Variants in TSPAN9 observed in about 807,000 individuals in gnomAD.
The protein encoded by TSPAN9 is tetraspanin-9.
TSPAN9 carries 16 observed loss-of-function variants against 31.0 expected under a neutral mutation model. The ratio of observed to expected loss-of-function variants is 0.52; its 90% CI spans 0.35 to 0.78. The LOEUF (loss-of-function observed/expected upper bound fraction) is 0.78, where lower values mean the gene tolerates loss of function less well. TSPAN9 is among the 30% of genes least tolerant of loss of function. TSPAN9 has a pLI of 0.01. For synonymous variants in TSPAN9, 145 were observed against 121.6 expected, an observed-to-expected ratio of 1.19 and a Z score of -1.27; for missense variants, 272 against 312.5, an observed-to-expected ratio of 0.87 and a Z score of 0.98.
intron 2 of TSPAN9, among the ~76,000 whole-genome samples, chr12:3,108,999 G>C (rs943236720): frequency 4.6e-5 from 7 of 151,576 alleles, no homozygotes; most frequent in African/African-American, 7.3e-5. Context: ...GCAGTGGCGC[G>C]ATCTCCGCTC....
At position 3,265,244 on chromosome 12, in the gene TSPAN9, T is replaced by C. The variant is rs147296795; in HGVS notation, c.64-13177T>C. On this transcript the variant is annotated intron_variant, in intron 3 of 8. Coordinates refer to ENST00000011898, the MANE Select transcript of TSPAN9 (RefSeq NM_006675.5). ...CTCTGAAACTCCGCATCCTTGTGGGTCAAATAAGGAAATTCTCAACATTCT... is the reference window on the plus strand; with the variant it reads ...CTCTGAAACTCCGCATCCTTGTGGGCCAAATAAGGAAATTCTCAACATTCT... Among the ~76,000 whole-genome samples the C allele has an allele frequency of 5.8e-3, 882 of 152,238 alleles. 7 individuals carry two copies. The highest frequency in any genetic ancestry group is 0.02 in the African/African-American group (844 of 41,542).
intron 3 of TSPAN9, among the ~76,000 whole-genome samples, chr12:3,273,466 G>C (rs1387671295): frequency 6.6e-6 from 1 of 152,108 alleles, no homozygotes; most frequent in African/African-American, 2.4e-5. Context: ...GCATTGCCTG[G>C]GGCCCAATCC....
At chr12:3,130,145 C>T (rs1018061609) in intron 2 of TSPAN9, among the ~76,000 whole-genome samples, 3 of 152,168 alleles carry the variant, frequency 2.0e-5, no homozygotes, top group Non-Finnish European at 4.4e-5. Flanking sequence ...ACTTCCGCTT[C>T]CCCCGGTGGC....
intron 3 of TSPAN9, chr12:3,272,771 G>C (rs1383958039): frequency 6.6e-6 from 1 of 152,280 alleles, no homozygotes; most frequent in Non-Finnish European, 1.5e-5. Context: ...GCTCAGGACG[G>C]GGAAGCCCGA....
In TSPAN9 at chr12:3,285,942, C is replaced by G. The variant is rs1000846722; in HGVS notation, c.*2826C>G. On this transcript the variant is annotated 3_prime_UTR_variant, in exon 9 of 9. Transcript: ENST00000011898. ...GTCTCCCCCTGCACCCCTCCCCCAG[C>G]TTGAGCCGTGTCACCCCCCTCTCCC... 5.2e-5 allele frequency: 8 copies of G among 152,414 alleles called. No individual in the cohort carries two copies. Among genetic ancestry groups the G allele is most frequent in the African/African-American group, 1.9e-4 (8 of 41,442 alleles). 9.4% of individuals were successfully genotyped at this position (152,414 alleles called of 1,614,324 possible). A position where few individuals can be genotyped will look rare whatever the true frequency, so the allele number is the denominator to read the frequency against.
At chr12:3,079,949 T>TTTC (rs2098297086) in intron 1 of TSPAN9, among the ~76,000 whole-genome samples, 4 of 151,278 alleles carry the variant, frequency 2.6e-5, no homozygotes. Context: ...AAAAAAATTT[T>TTTC]TTTTTTTTTT....
Position 3,284,180 on chromosome 12 carries a change from C to T in TSPAN9, c.*1064C>T, listed in dbSNP as rs1862963551. The T allele has an allele frequency of 6.5e-6, 1 of 152,688 alleles. No individual in the cohort carries two copies. Among genetic ancestry groups the T allele is most frequent in the African/African-American group, 2.4e-5 (1 of 41,474 alleles). The allele number at this position is 152,688 out of a possible 1,614,324, so 9.5% of individuals were successfully genotyped here. ...TTCCCACAACAGGTTCTGCACACCC[C>T]AGTTATTTCACAGACATTCCTGCTA... On this transcript the variant is annotated 3_prime_UTR_variant, in exon 9 of 9. Transcript: ENST00000011898.
At chr12:3,125,316 G>C (rs1441149793) in intron 2 of TSPAN9, among the ~76,000 whole-genome samples, 1 of 151,546 alleles carries the variant, frequency 6.6e-6, no homozygotes, top group Non-Finnish European at 1.5e-5. Flanking sequence ...AGAGTGTTTT[G>C]CTGCGTGCTC....
At chr12:3,096,758 T>C (rs2098309276) in intron 2 of TSPAN9, among the ~76,000 whole-genome samples, 1 of 151,956 alleles carries the variant, frequency 6.6e-6, no homozygotes, top group South Asian at 2.1e-4. Context: ...AATGGCATGA[T>C]CTCGGCTCAC....
chr12:3,167,495 C>G lies in TSPAN9; in HGVS notation c.-17-33682C>G, dbSNP rs187854309. Among the ~76,000 whole-genome samples the G allele has an allele frequency of 2.8e-3, 422 of 152,262 alleles. 2 individuals are homozygous for G. Among genetic ancestry groups the G allele is most frequent in the African/African-American group, 9.6e-3 (398 of 41,550 alleles). On this transcript the variant is annotated intron_variant, in intron 2 of 8. Transcript: ENST00000011898. ...TTATCTCTTGTGTACTTTTGCACAC[C>G]TTTCTTCTTAATGATTAGGATGGTG... is the stretch of plus-strand genomic sequence containing the variant.
intron 2 of TSPAN9, among the ~76,000 whole-genome samples, chr12:3,111,507 A>G (rs1001008455): frequency 6.6e-6 from 1 of 152,230 alleles, no homozygotes; most frequent in Non-Finnish European, 1.5e-5. Flanking sequence ...TGAGGATTAA[A>G]TGAGATATGT....
At chr12:3,148,524 A>G (rs1332763767) in intron 2 of TSPAN9, among the ~76,000 whole-genome samples, 3 of 152,144 alleles carry the variant, frequency 2.0e-5, no homozygotes, top group East Asian at 1.9e-4. Flanking sequence ...CTGGCAGGGT[A>G]TGGAACGTGG....
At chr12:3,178,526 G>A (rs1020712262) in intron 2 of TSPAN9, among the ~76,000 whole-genome samples, 3 of 152,126 alleles carry the variant, frequency 2.0e-5, no homozygotes, top group South Asian at 2.1e-4. Context: ...CCTGACCTAA[G>A]GTGATCTGCC....
intron 2 of TSPAN9, among the ~76,000 whole-genome samples, chr12:3,120,108 G>C (rs978089113): frequency 3.9e-5 from 6 of 152,128 alleles, no homozygotes; most frequent in Non-Finnish European, 7.4e-5. Context: ...TTCCTCTGTT[G>C]CCTCTTTAAA....
intron 2 of TSPAN9, among the ~76,000 whole-genome samples, chr12:3,150,617 C>T (rs528198673): frequency 1.5e-4 from 23 of 152,248 alleles, no homozygotes; most frequent in African/African-American, 4.8e-4. Context: ...TCTTCTCTGC[C>T]GTTGTATTTG....
intron 2 of TSPAN9, among the ~76,000 whole-genome samples, chr12:3,198,182 C>CCAGCACAGGCCACCACCAGCACCAT (rs2153972637): frequency 1.2e-5 from 1 of 85,880 alleles, no homozygotes; most frequent in Non-Finnish European, 2.5e-5. Context: ...CAGCTCACCA[C>CCAGCACAGGCCACCACCAGCACCAT]CAGCACAGGC....
chr12:3,099,046 C>T (rs1057060604), intron 2 of TSPAN9, among the ~76,000 whole-genome samples: 1 of 152,094 alleles, frequency 6.6e-6, no homozygotes, highest in Non-Finnish European at 1.5e-5. Flanking sequence ...AGCCATGGTG[C>T]CTGGCCTATT....
chr12:3,245,008 C>G (rs1350193363), intron 3 of TSPAN9, among the ~76,000 whole-genome samples: 5 of 152,206 alleles, frequency 3.3e-5, no homozygotes, highest in African/African-American at 1.2e-4. Flanking sequence ...CCCGGTCTTT[C>G]CAAGGACTCT....
At chr12:3,201,651 G>A (rs1340080316) in intron 3 of TSPAN9, among the ~76,000 whole-genome samples, 1 of 152,226 alleles carries the variant, frequency 6.6e-6, no homozygotes, top group Non-Finnish European at 1.5e-5. Flanking sequence ...AAGTGAGGAT[G>A]TATTTCTGAG....
Sources: gnomAD v4.1 joint callset for allele counts (sites outside exome capture counted in the v4.1 genomes callset) on GRCh38, gnomAD v4.1.1 for gene constraint, MANE v1.5 for transcripts, NCBI Gene and HGNC (gene_info 2026-07-23, HGNC 2026-07-21) for gene names.